The following PTPRG variants were observed in gnomAD, a reference collection of about 807,000 sequenced individuals.
PTPRG encodes protein tyrosine phosphatase receptor type G, also known as receptor-type tyrosine-protein phosphatase gamma.
In PTPRG, 102 loss-of-function variants were observed where a neutral mutation model predicts 165.3. The ratio of observed to expected loss-of-function variants is 0.62; its 90% CI spans 0.53 to 0.73. PTPRG has a LOEUF of 0.73. Ranked by LOEUF, PTPRG falls within the 30% of genes least tolerant of loss-of-function variation. The probability of loss-of-function intolerance (pLI) is 0.00; values close to 1 mark genes in which losing one functional copy is unlikely to be tolerated. For missense variants in PTPRG, 1,866 were observed against 1,861.4 expected (o/e 1.00, Z -0.05); for synonymous variants, 675 against 669.5 (o/e 1.01, Z -0.13).
intron 9 of PTPRG, among the ~76,000 whole-genome samples, chr3:62,193,884 A>C (rs952971969): frequency 6.6e-6 from 1 of 152,250 alleles, no homozygotes; most frequent in East Asian, 1.9e-4. Context: ...CAACTCATCT[A>C]TTAAGAAGAG....
At chr3:62,065,195 C>T (rs775524101) in intron 4 of PTPRG, among the ~76,000 whole-genome samples, 8 of 152,146 alleles carry the variant, frequency 5.3e-5, no homozygotes, top group Non-Finnish European at 1.2e-4. Flanking sequence ...GATGGTTTGG[C>T]TTGAACTGCT....
rs527679334 is a variant in PTPRG, at chr3:62,135,270, CAA to C, written c.682+2617_682+2618del. ...TGGGTGACAGAGTGAGATTCTGTCT[CAA>C]AAAAAAAAAAAAAAGAAATAAAAAT... On this transcript the variant is annotated intron_variant, in intron 6 of 29. Coordinates refer to ENST00000474889, the MANE Select transcript of PTPRG (RefSeq NM_002841.4). Among the ~76,000 whole-genome samples, 599 of 81,070 alleles carry C rather than the reference CAA, an allele frequency of 7.4e-3. 4 individuals carry two copies. The highest frequency in any genetic ancestry group is 0.024 in the African/African-American group (526 of 22,122). The allele number at this position is 81,070 out of a possible 152,430, so 53.2% of individuals were successfully genotyped here.
intron 2 of PTPRG, among the ~76,000 whole-genome samples, chr3:61,847,825 A>G (rs1031413969): frequency 4.1e-4 from 63 of 152,342 alleles, no homozygotes; most frequent in Non-Finnish European, 6.8e-4. Flanking sequence ...TCTGGAAGAG[A>G]TGCAGACAGA....
chr3:61,640,504 A>G (rs566684973), intron 1 of PTPRG, among the ~76,000 whole-genome samples: 1 of 152,300 alleles, frequency 6.6e-6, no homozygotes, highest in South Asian at 2.1e-4. Context: ...GCACATTACC[A>G]TATTTAATCC....
chr3:61,951,989 G>A (rs537702974), intron 2 of PTPRG, among the ~76,000 whole-genome samples: 4 of 152,004 alleles, frequency 2.6e-5, no homozygotes, highest in Admixed American at 6.5e-5. Context: ...GTGGTGGTGC[G>A]TGCCTGTAAT....
chr3:61,809,990 C>T (rs1252414641), intron 2 of PTPRG, among the ~76,000 whole-genome samples: 1 of 152,164 alleles, frequency 6.6e-6, no homozygotes, highest in Non-Finnish European at 1.5e-5. Context: ...TGGCCATGCC[C>T]ACCTTATAGC....
At chr3:61,676,471 A>AAAAAAAAAAAAG (rs369505317) in intron 1 of PTPRG, among the ~76,000 whole-genome samples, 1,439 of 97,058 alleles carry the variant, frequency 0.015, 128 homozygotes, top group Non-Finnish European at 0.026. Context: ...AAAAAAAAAA[A>AAAAAAAAAAAAG]AAAGAAAATT....
chr3:62,280,870 G>A (rs1418412264), intron 26 of PTPRG, among the ~76,000 whole-genome samples: 1 of 151,916 alleles, frequency 6.6e-6, no homozygotes, highest in Non-Finnish European at 1.5e-5. Context: ...ATGGGAAGAT[G>A]TAAAATAAAT....
intron 1 of PTPRG, among the ~76,000 whole-genome samples, chr3:61,631,132 C>T (rs2106928120): frequency 6.6e-6 from 1 of 151,318 alleles, no homozygotes; most frequent in South Asian, 2.1e-4. Context: ...CTATTGGAAG[C>T]AGGGAATTGT....
intron 1 of PTPRG, among the ~76,000 whole-genome samples, chr3:61,568,397 A>G (rs1196511715): frequency 2.0e-5 from 3 of 152,098 alleles, no homozygotes; most frequent in African/African-American, 7.3e-5. Context: ...GGTATAAGTG[A>G]TGGCTGTGCA....
intron 1 of PTPRG, among the ~76,000 whole-genome samples, chr3:61,647,924 A>T (rs1488779724): frequency 6.6e-6 from 1 of 151,194 alleles, no homozygotes; most frequent in Non-Finnish European, 1.5e-5. Flanking sequence ...CCTGATTGTG[A>T]TTGCGGCCTG....
intron 1 of PTPRG, among the ~76,000 whole-genome samples, chr3:61,694,885 ACTCT>A (rs1292489197): frequency 2.0e-5 from 3 of 151,952 alleles, no homozygotes; most frequent in East Asian, 1.9e-4. Context: ...TCTCACCCTC[ACTCT>A]CTCTCATTCA....
intron 2 of PTPRG, among the ~76,000 whole-genome samples, chr3:61,808,133 T>C (rs1457186233): frequency 2.6e-5 from 4 of 152,232 alleles, no homozygotes; most frequent in African/African-American, 9.6e-5. Flanking sequence ...AGTGGATTCT[T>C]TAGGATTGGA....
chr3:61,663,915 A>G (rs1040135558), intron 1 of PTPRG, among the ~76,000 whole-genome samples: 7 of 152,132 alleles, frequency 4.6e-5, no homozygotes, highest in African/African-American at 1.4e-4. Flanking sequence ...CCTGTTGTGC[A>G]GCTCGGTTCC....
intron 5 of PTPRG, among the ~76,000 whole-genome samples, chr3:62,082,476 T>A (rs890202473): frequency 5.3e-5 from 8 of 152,204 alleles, no homozygotes; most frequent in Non-Finnish European, 1.0e-4. Flanking sequence ...ATGATTCTTT[T>A]CTTCAGTTAA....
chr3:61,936,757 A>G (rs892450469), intron 2 of PTPRG, among the ~76,000 whole-genome samples: 8 of 152,158 alleles, frequency 5.3e-5, no homozygotes, highest in African/African-American at 1.9e-4. Context: ...TTGGATGTGG[A>G]AATTGTGTGT....
At chr3:61,820,402 T>C (rs2107252099) in intron 2 of PTPRG, among the ~76,000 whole-genome samples, 1 of 152,256 alleles carries the variant, frequency 6.6e-6, no homozygotes, top group African/African-American at 2.4e-5. Context: ...AGGTACCCAC[T>C]CGTATTAAGT....
intron 5 of PTPRG, among the ~76,000 whole-genome samples, chr3:62,125,060 C>A (rs1361699161): frequency 1.3e-5 from 2 of 152,108 alleles, no homozygotes; most frequent in Non-Finnish European, 2.9e-5. Flanking sequence ...GTTTAAGGAG[C>A]CAGTGCTTAT....
chr3:61,999,540 G>A (rs1334730368), intron 3 of PTPRG, among the ~76,000 whole-genome samples: 1 of 152,078 alleles, frequency 6.6e-6, no homozygotes, highest in Non-Finnish European at 1.5e-5. Context: ...TGTTAGCTTG[G>A]CACCTTCCAG....
Sources: gnomAD v4.1 joint callset for allele counts (sites outside exome capture counted in the v4.1 genomes callset) on GRCh38, gnomAD v4.1.1 for gene constraint, MANE v1.5 for transcripts, NCBI Gene and HGNC (gene_info 2026-07-23, HGNC 2026-07-21) for gene names.